The following KLHL2 variants were observed in gnomAD, a reference collection of about 807,000 sequenced individuals.
KLHL2 encodes the protein kelch-like protein 2.
A neutral mutation model predicts 75.8 loss-of-function variants in KLHL2; 15 were observed. The observed-to-expected ratio is 0.20, with a 90% CI of 0.13 to 0.30. The LOEUF is 0.30. Ranked by LOEUF, KLHL2 falls within the 10% of genes least tolerant of loss-of-function variation. The pLI is 1.00. For missense variants in KLHL2, 381 were observed against 741.0 expected (o/e 0.51, Z 5.64); for synonymous variants, 214 against 251.9 (o/e 0.85, Z 1.42).
At chr4:165,229,002 A>G in intron 3 of KLHL2, 89 bp downstream of exon 3, 1 of 691,044 alleles carries the variant, frequency 1.4e-6, no homozygotes, top group South Asian at 2.0e-5. Flanking sequence ...TTGACATTTT[A>G]CTTTTATGAA....
At chr4:165,224,973 G>A (rs1738319698) in intron 2 of KLHL2, among the ~76,000 whole-genome samples, 1 of 152,166 alleles carries the variant, frequency 6.6e-6, no homozygotes, top group Admixed American at 6.5e-5. Flanking sequence ...TAAAAGCAGT[G>A]ACAGGTTTTT....
At chr4:165,244,299 G>C (rs942936162) in intron 4 of KLHL2, among the ~76,000 whole-genome samples, 8 of 152,202 alleles carry the variant, frequency 5.3e-5, no homozygotes, top group Admixed American at 3.9e-4. Flanking sequence ...TTCAATAAGT[G>C]CAAGTGTCAT....
At chr4:165,232,508 A>C (rs1418793868) in intron 3 of KLHL2, among the ~76,000 whole-genome samples, 1 of 152,100 alleles carries the variant, frequency 6.6e-6, no homozygotes, top group African/African-American at 2.4e-5. Context: ...AGGTGGCAGA[A>C]TTGCTTGAGC....
At chr4:165,264,765 T>TATATATATATAA (rs1477707346) in intron 5 of KLHL2, among the ~76,000 whole-genome samples, 31 of 94,106 alleles carry the variant, frequency 3.3e-4, no homozygotes, top group Non-Finnish European at 5.0e-4. Context: ...TATATATATA[T>TATATATATATAA]AAAACATTAT....
chr4:165,295,041 C>A (rs950146715), intron 6 of KLHL2, among the ~76,000 whole-genome samples: 1 of 152,154 alleles, frequency 6.6e-6, no homozygotes, highest in African/African-American at 2.4e-5. Flanking sequence ...CTCCCTGCCT[C>A]CCTCCCTCTC....
intron 2 of KLHL2, 140 bp downstream of exon 2, chr4:165,220,199 A>C: frequency 1.5e-6 from 2 of 1,365,154 alleles, no homozygotes; most frequent in South Asian, 1.6e-5. Context: ...CAAGTTTTTT[A>C]AAGGAAAAGA....
intron 4 of KLHL2, among the ~76,000 whole-genome samples, chr4:165,248,501 G>A (rs1381629162): frequency 1.3e-5 from 2 of 152,184 alleles, no homozygotes. Context: ...GAGCAGACAC[G>A]TGCTTCCAAG....
chr4:165,237,164 A>G (rs559030791), intron 3 of KLHL2, among the ~76,000 whole-genome samples: 1 of 152,184 alleles, frequency 6.6e-6, no homozygotes, highest in East Asian at 1.9e-4. Flanking sequence ...TTCAGTTTAT[A>G]CAGACTATCA....
intron 5 of KLHL2, among the ~76,000 whole-genome samples, chr4:165,281,939 G>A (rs1183065143): frequency 6.6e-6 from 1 of 152,224 alleles, no homozygotes; most frequent in Admixed American, 6.5e-5. Context: ...TTAAATGTCA[G>A]TATAACTATG....
intron 5 of KLHL2, among the ~76,000 whole-genome samples, chr4:165,293,520 A>G (rs1225097540): frequency 1.4e-5 from 2 of 148,106 alleles, no homozygotes; most frequent in African/African-American, 5.0e-5. Flanking sequence ...TTTTTCTGAG[A>G]CGGAGTCTTG....
At chr4:165,266,345 T>C (rs149054235) in intron 5 of KLHL2, among the ~76,000 whole-genome samples, 9,905 of 152,220 alleles carry the variant, frequency 0.065, 371 homozygotes, top group Middle Eastern at 0.12. Context: ...TTTGTCAATT[T>C]TGGCTTTTGT....
intron 4 of KLHL2, among the ~76,000 whole-genome samples, chr4:165,251,197 A>G (rs562475731): frequency 4.4e-4 from 67 of 151,958 alleles, no homozygotes; most frequent in African/African-American, 1.5e-3. Flanking sequence ...TGATATAACC[A>G]TGGGTACTTA....
At chr4:165,301,126 A>G (rs540535454) in intron 8 of KLHL2, among the ~76,000 whole-genome samples, 26 of 152,232 alleles carry the variant, frequency 1.7e-4, no homozygotes, top group Non-Finnish European at 3.5e-4. Flanking sequence ...GACACAGTCT[A>G]TTTGTGGAAA....
intron 9 of KLHL2, 137 bp downstream of exon 9, chr4:165,305,862 C>A: frequency 1.6e-6 from 1 of 640,586 alleles, no homozygotes; most frequent in Non-Finnish European, 2.8e-6. Context: ...AACAGTAATT[C>A]AGGGGCCTCA....
intron 5 of KLHL2, among the ~76,000 whole-genome samples, chr4:165,264,165 GATT>G (rs1034100085): frequency 1.3e-5 from 2 of 151,784 alleles, no homozygotes; most frequent in Admixed American, 6.6e-5. Flanking sequence ...TATTAAAAGT[GATT>G]ATTAGGAAAT....
intron 2 of KLHL2, among the ~76,000 whole-genome samples, chr4:165,225,126 T>C (rs1738331550): frequency 6.6e-6 from 1 of 152,222 alleles, no homozygotes. Context: ...ATTTAGGAGA[T>C]GGAGTGCCTT....
At chr4:165,249,195 A>G (rs12331117) in intron 4 of KLHL2, among the ~76,000 whole-genome samples, 8,594 of 152,276 alleles carry the variant, frequency 0.056, 545 homozygotes, top group African/African-American at 0.16. Flanking sequence ...TCGCTTGCCC[A>G]ATCTATTTCT....
intron 1 of KLHL2, among the ~76,000 whole-genome samples, chr4:165,212,277 G>C (rs1238782462): frequency 6.6e-6 from 1 of 152,254 alleles, no homozygotes; most frequent in African/African-American, 2.4e-5. Context: ...GGATAAAAGG[G>C]TAGAGAATAA....
rs1278117953 is a variant in KLHL2 at position 165,219,979 on chromosome 4, T to A, written c.72T>A (p.Asp24Glu). The part of the protein sequence containing the change: ...GHQKPLDSKD[D>E]NTEKHCPVTV... The stretch of plus-strand genomic sequence containing the variant: ...AGAAGCCTCTCGATTCAAAAGATGA[T>A]AATACCGAAAAACACTGCCCAGTGA... The change falls in exon 2 of 15, where the codon GAT becomes GAA. Residue 24 changes from aspartate (D) to glutamate (E), a missense_variant. By Grantham distance (45) the Asp-to-Glu change is conservative. Around this residue, in one of 5 missense-constraint regions of KLHL2, gnomAD observed 48 missense variants for 88.9 expected, o/e 0.54. Transcript: ENST00000226725. 6.2e-7 allele frequency: 1 copy of A among 1,613,752 alleles called. No individual in the cohort carries two copies. The highest frequency in any genetic ancestry group is 1.7e-5 in the Admixed American group (1 of 59,972).
Sources: allele counts gnomAD v4.1 joint callset (sites outside exome capture counted in the v4.1 genomes callset), GRCh38; gene constraint gnomAD v4.1.1; regional missense constraint gnomAD v4.1.1; transcripts MANE v1.5; gene names NCBI Gene and HGNC (gene_info 2026-07-23, HGNC 2026-07-21).